Variants in TATDN2 observed in about 807,000 individuals in gnomAD.
TATDN2 encodes TatD DNase domain containing 2, also known as 3'-5' RNA nuclease TATDN2.
A neutral mutation model predicts 60.3 loss-of-function variants in TATDN2; 44 were observed. That is an observed-to-expected ratio of 0.73 (90% CI 0.57 to 0.94). The LOEUF (loss-of-function observed/expected upper bound fraction) is 0.94, where lower values mean the gene tolerates loss of function less well. TATDN2 is among the 40% of genes least tolerant of loss of function. The pLI is 0.00. For synonymous variants in TATDN2, 399 were observed against 355.8 expected, an observed-to-expected ratio of 1.12 and a Z score of -1.37; for missense variants, 997 against 948.0, an observed-to-expected ratio of 1.05 and a Z score of -0.68.
rs770819086 is a variant in TATDN2, at chr3:10,260,172, C to T, written c.450C>T (p.Asn150=). Residue 150 remains asparagine (N), a synonymous_variant, in exon 3 of 8, where the codon AAC becomes AAT. Coordinates refer to ENST00000448281, the MANE Select transcript of TATDN2 (RefSeq NM_014760.4). ...AAGATAGTTCTCATAACTCCACAAACTCTGAATTTGCAGCTGAAGCTGAGG... is the reference window on the plus strand; with the variant it reads ...AAGATAGTTCTCATAACTCCACAAATTCTGAATTTGCAGCTGAAGCTGAGG... ...DSKDSSHNST[N]SEFAAEAEGQ... is the part of the protein sequence containing the mutation. 6.2e-7 allele frequency: 1 copy of T among 1,613,658 alleles called. No homozygotes were observed. The highest frequency in any genetic ancestry group is 8.5e-7 in the Non-Finnish European group (1 of 1,179,900).
At chr3:10,255,705 G>T (rs1002919117) in intron 2 of TATDN2, among the ~76,000 whole-genome samples, 6 of 152,140 alleles carry the variant, frequency 3.9e-5, no homozygotes, top group Admixed American at 6.6e-5. Flanking sequence ...ACTTTGGGAG[G>T]CTCAGGTGGG....
In TATDN2 at chr3:10,270,284, G is replaced by A; in HGVS notation, c.1102G>A (p.Val368Ile). Residue 368 changes from valine (V) to isoleucine (I), a missense_variant, in exon 4 of 8, where the codon GTC (valine) becomes ATC (isoleucine). By Grantham distance (29) the Val-to-Ile change is conservative. Transcript: ENST00000448281. Reference sequence around the variant, plus strand: ...GCCTTCTTCCTTCACCACCGACTATGTCATGTACCCTCCTCATTTGTACAG... The same window carrying A: ...GCCTTCTTCCTTCACCACCGACTATATCATGTACCCTCCTCATTTGTACAG... ...PEPSSFTTDY[V>I]MYPPHLYSSP... 4 of 1,614,180 alleles carry A rather than the reference G, an allele frequency of 2.5e-6. No homozygotes were observed. The highest frequency in any genetic ancestry group is 1.6e-4 in the Middle Eastern group (1 of 6,062).
intron 3 of TATDN2, among the ~76,000 whole-genome samples, chr3:10,263,143 C>T (rs1698430962): frequency 6.6e-6 from 1 of 151,968 alleles, no homozygotes; most frequent in South Asian, 2.1e-4. Context: ...TCATGATCCG[C>T]CCGGCTCAGC....
intron 4 of TATDN2, among the ~76,000 whole-genome samples, chr3:10,271,622 T>A (rs1427401690): frequency 6.6e-6 from 1 of 151,872 alleles, no homozygotes; most frequent in African/African-American, 2.4e-5. Flanking sequence ...TTTTTTTAAA[T>A]ATACCCATTG....
chr3:10,278,796 C>T lies in TATDN2; in HGVS notation c.2146-89C>T. On this transcript the variant is annotated intron_variant, in intron 6 of 7. Coordinates refer to ENST00000448281, the MANE Select transcript of TATDN2 (RefSeq NM_014760.4). The surrounding 1 kb of genome is among the most constrained non-coding windows in gnomAD (Gnocchi z 4.7). ...CTCTACAGGGCAGCCCCAAAGAGGT[C>T]CTTGCTGGGGAAGGGACAGGGAGGG... 1 of 1,597,420 alleles carries T rather than the reference C, an allele frequency of 6.3e-7. No individual in the cohort carries two copies. Among genetic ancestry groups the T allele is most frequent in the Non-Finnish European group, 8.5e-7 (1 of 1,171,766 alleles).
At chr3:10,250,148 G>T (rs923486365) in intron 2 of TATDN2, among the ~76,000 whole-genome samples, 5 of 151,250 alleles carry the variant, frequency 3.3e-5, no homozygotes, top group Non-Finnish European at 5.9e-5. Context: ...AGCATGTTGG[G>T]GTTTTGCTTG....
intron 2 of TATDN2, among the ~76,000 whole-genome samples, chr3:10,252,995 T>C (rs537989516): frequency 2.0e-5 from 3 of 152,036 alleles, no homozygotes; most frequent in Admixed American, 2.0e-4. Context: ...CAGCTGGGAC[T>C]ACAGGTGCAC....
intron 2 of TATDN2, among the ~76,000 whole-genome samples, chr3:10,258,012 C>T (rs1399240835): frequency 1.3e-5 from 2 of 150,804 alleles, no homozygotes; most frequent in Non-Finnish European, 3.0e-5. Context: ...AGGCGCCCGC[C>T]ACCACGCACG....
At chr3:10,251,990 T>A (rs914924127) in intron 2 of TATDN2, among the ~76,000 whole-genome samples, 14 of 150,846 alleles carry the variant, frequency 9.3e-5, no homozygotes, top group African/African-American at 3.4e-4. Context: ...CTACTAAAAA[T>A]ACAAAAAGTT....
At chr3:10,271,154 C>A in intron 4 of TATDN2, 139 bp downstream of exon 4, 1 of 1,038,500 alleles carries the variant, frequency 9.6e-7, no homozygotes, top group Non-Finnish European at 1.3e-6. Context: ...CTCATCCAGA[C>A]CATCTAGATG....
intron 3 of TATDN2, among the ~76,000 whole-genome samples, chr3:10,267,632 A>G (rs982998490): frequency 6.6e-6 from 1 of 152,200 alleles, no homozygotes; most frequent in African/African-American, 2.4e-5. Flanking sequence ...GCTGATGAGA[A>G]TATAGTACTT....
intron 2 of TATDN2, among the ~76,000 whole-genome samples, chr3:10,254,687 C>T (rs1473293236): frequency 6.6e-6 from 1 of 152,164 alleles, no homozygotes; most frequent in Non-Finnish European, 1.5e-5. Context: ...AGACAGGGAG[C>T]TGGTGAGGAG....
chr3:10,278,494 C>T lies in TATDN2; in HGVS notation c.2145+32C>T, dbSNP rs760946550. The T allele has an allele frequency of 1.3e-5, 21 of 1,562,898 alleles. No individual in the cohort carries two copies. The highest frequency in any genetic ancestry group is 1.0e-4 in the Admixed American group (6 of 58,896). On this transcript the variant is annotated intron_variant, in intron 6 of 7. Coordinates refer to ENST00000448281, the MANE Select transcript of TATDN2 (RefSeq NM_014760.4). The surrounding 1 kb of genome is among the most constrained non-coding windows in gnomAD (Gnocchi z 4.7). ...GGGTCTTCAGGCTGAGTGGAGGCAC[C>T]GGAGGGAGAGGGTGGGGAGGTGGGT...
rs913701009 is a variant in TATDN2 at position 10,271,013 on chromosome 3, A to G, written c.1831A>G (p.Lys611Glu). Residue 611 changes from lysine to glutamate, a missense_variant and splice_region_variant, in exon 4 of 8, where the codon AAG (lysine) becomes GAG (glutamate). Physicochemically the swap from Lys to Glu is moderately conservative, Grantham distance 56. Coordinates refer to ENST00000448281, the MANE Select transcript of TATDN2 (RefSeq NM_014760.4). ...KCTTPVPEQH[K>E]VFERQLQLAV... ...CACCACGCCTGTCCCAGAACAGCAC[A>G]AGGTAACAAGGCTCTCTTTAGTCTG... 3 of 1,556,430 alleles carry G rather than the reference A, an allele frequency of 1.9e-6. No homozygotes were observed. The African/African-American group carries it at 4.1e-5, about 21-fold the overall frequency.
At chr3:10,272,498 G>C (rs1423211892) in intron 4 of TATDN2, among the ~76,000 whole-genome samples, 1 of 150,894 alleles carries the variant, frequency 6.6e-6, no homozygotes, top group African/African-American at 2.4e-5. Context: ...GAGTGCAATC[G>C]CATGATATTG....
intron 4 of TATDN2, among the ~76,000 whole-genome samples, chr3:10,273,736 T>C (rs1451299170): frequency 1.3e-5 from 2 of 152,176 alleles, no homozygotes; most frequent in African/African-American, 4.8e-5. Context: ...AGCAAAACAA[T>C]TGGGGAAAGA....
intron 3 of TATDN2, among the ~76,000 whole-genome samples, chr3:10,264,651 A>G (rs1401675768): frequency 1.4e-5 from 2 of 145,974 alleles, no homozygotes; most frequent in African/African-American, 2.5e-5. Context: ...TTTTTAAAAA[A>G]TTTTTCTGGA....
At position 10,279,224 on chromosome 3, in the gene TATDN2, G is replaced by A. The variant is rs1698688483; in HGVS notation, c.*42G>A. ...CTTTTTCTCTTCCACCCTCCAGGGC[G>A]ACCAGCAGCCTGACAGAACACAGGC... On this transcript the variant is annotated 3_prime_UTR_variant, in exon 8 of 8. Transcript: ENST00000448281. 4.5e-6 allele frequency: 3 copies of A among 673,814 alleles called. No homozygotes were observed. Among genetic ancestry groups the A allele is most frequent in the Middle Eastern group, 3.1e-4 (1 of 3,212 alleles). The allele number at this position is 673,814 out of a possible 1,614,324, so 41.7% of individuals were successfully genotyped here. A position where few individuals can be genotyped will look rare whatever the true frequency, so the allele number is the denominator to read the frequency against.
chr3:10,278,471 G>A lies in TATDN2; in HGVS notation c.2145+9G>A, dbSNP rs369966617. The A allele has an allele frequency of 1.9e-6, 3 of 1,607,546 alleles. No homozygotes were observed. Among genetic ancestry groups the A allele is most frequent in the African/African-American group, 1.3e-5 (1 of 74,922 alleles). On this transcript the variant is annotated intron_variant, in intron 6 of 7. Coordinates refer to ENST00000448281, the MANE Select transcript of TATDN2 (RefSeq NM_014760.4). The surrounding 1 kb of genome is among the most constrained non-coding windows in gnomAD (Gnocchi z 4.7). ...ATTTCCTCCCTCGCCAGGTAAGGGG[G>A]TCTTCAGGCTGAGTGGAGGCACCGG...
Sources: gnomAD v4.1 joint callset for allele counts (sites outside exome capture counted in the v4.1 genomes callset) on GRCh38, gnomAD v4.1.1 for gene constraint, Gnocchi (gnomAD v3.1) non-coding constraint, MANE v1.5 for transcripts, NCBI Gene and HGNC (gene_info 2026-07-23, HGNC 2026-07-21) for gene names.